Variants in ZC3HAV1 observed in about 807,000 individuals in gnomAD.
ZC3HAV1 encodes zinc finger CCCH-type antiviral protein 1.
Under a neutral mutation model 86.6 loss-of-function variants are expected in ZC3HAV1, and 41 were observed. The ratio of observed to expected loss-of-function variants is 0.47; its 90% CI spans 0.37 to 0.61. The LOEUF (loss-of-function observed/expected upper bound fraction) is 0.61. ZC3HAV1 is among the 20% of genes least tolerant of loss of function. The pLI, the probability that ZC3HAV1 is intolerant of heterozygous loss-of-function variation, is 0.00. For synonymous variants in ZC3HAV1, 421 were observed against 432.1 expected, an observed-to-expected ratio of 0.97 and a Z score of 0.32; for missense variants, 964 against 1,141.1, an observed-to-expected ratio of 0.84 and a Z score of 2.24.
chr7:139,063,027 C>CAAAAAAAAAAAAAAAAAAAAAAAAAA (rs58859916), intron 8 of ZC3HAV1, among the ~76,000 whole-genome samples: 2 of 68,098 alleles, frequency 2.9e-5, no homozygotes, highest in East Asian at 4.3e-4. Flanking sequence ...GACTCTGTCT[C>CAAAAAAAAAAAAAAAAAAAAAAAAAA]AAAAAAAAAA....
Position 139,055,252 on chromosome 7 carries a change from A to T in ZC3HAV1, c.2140T>A (p.Phe714Ile). 6.2e-7 allele frequency: 1 copy of T among 1,613,548 alleles called. No homozygotes were observed. The highest frequency in any genetic ancestry group is 8.5e-7 in the Non-Finnish European group (1 of 1,179,662). The change falls in exon 10 of 13, where the codon TTT becomes ATT. Residue 714 changes from phenylalanine to isoleucine, a missense_variant. By Grantham distance (21) the Phe-to-Ile change is conservative (BLOSUM62 0). Coordinates refer to ENST00000242351, the MANE Select transcript of ZC3HAV1 (RefSeq NM_020119.4). Reference protein sequence around the residue: ...KTSSVSLTATFRPQEDFCFLS... With the variant: ...KTSSVSLTATIRPQEDFCFLS... ...AAGCAAAAGTCCTCCTGAGGACGAA[A>T]GGTCGCAGTTAAAGACACTGACGAG...
intron 12 of ZC3HAV1, 30 bp downstream of exon 12, chr7:139,053,421 C>T (rs1410706892): frequency 5.8e-6 from 9 of 1,544,114 alleles, no homozygotes; most frequent in Non-Finnish European, 7.8e-6. Context: ...TATGACTCTA[C>T]TAGTTACGCT....
In ZC3HAV1 at chr7:139,047,328, CAA is replaced by C. The variant is rs367919128; in HGVS notation, c.*264_*265del. 0.01 allele frequency: 2,649 copies of C among 260,136 alleles called. No individual in the cohort carries two copies. The highest frequency in any genetic ancestry group is 0.014 in the South Asian group (403 of 29,384). 16.1% of individuals were successfully genotyped at this position (260,136 alleles called of 1,614,324 possible). ...TGGACGATGGAGTGAGATTCAGTCT[CAA>C]AAAAAAAAAAAAAAAAAAAAATACA... On this transcript the variant is annotated 3_prime_UTR_variant, in exon 13 of 13. Transcript: ENST00000242351.
chr7:139,089,208 A>T (rs568842926), intron 2 of ZC3HAV1, among the ~76,000 whole-genome samples: 50 of 152,088 alleles, frequency 3.3e-4, no homozygotes, highest in African/African-American at 1.1e-3. Flanking sequence ...GAGAAACAAA[A>T]TTACATTTTA....
chr7:139,093,450 A>G (rs989610326), intron 1 of ZC3HAV1, among the ~76,000 whole-genome samples: 1 of 152,188 alleles, frequency 6.6e-6, no homozygotes, highest in African/African-American at 2.4e-5. Flanking sequence ...CTAAGCCATC[A>G]TATCCCCTGT....
chr7:139,097,424 A>AT (rs1278585081), intron 1 of ZC3HAV1, among the ~76,000 whole-genome samples: 11 of 81,178 alleles, frequency 1.4e-4, no homozygotes, highest in African/African-American at 7.1e-4. Context: ...ATATATATAT[A>AT]TATATTTTTT....
At chr7:139,063,867 C>CA (rs1816521635) in intron 8 of ZC3HAV1, among the ~76,000 whole-genome samples, 1 of 151,906 alleles carries the variant, frequency 6.6e-6, no homozygotes, top group East Asian at 1.9e-4. Context: ...TTTATTTAGT[C>CA]ACCACTGCAC....
At chr7:139,054,795 CAG>C (rs1816235365) in intron 10 of ZC3HAV1, among the ~76,000 whole-genome samples, 1 of 152,102 alleles carries the variant, frequency 6.6e-6, no homozygotes, top group South Asian at 2.1e-4. Context: ...TTTTTGGAGA[CAG>C]AGTCTCACTC....
At chr7:139,090,403 A>G (rs1317148863) in intron 1 of ZC3HAV1, among the ~76,000 whole-genome samples, 1 of 152,202 alleles carries the variant, frequency 6.6e-6, no homozygotes, top group Non-Finnish European at 1.5e-5. Flanking sequence ...TATTTTCATT[A>G]TAAACATTTT....
At position 139,083,807 on chromosome 7, in the gene ZC3HAV1, T is replaced by C. The variant is rs1486073149; in HGVS notation, c.670A>G (p.Met224Val). The change falls in exon 3 of 13, where the codon ATG becomes GTG. Residue 224 changes from methionine to valine, a missense_variant. By Grantham distance (21) the Met-to-Val change is conservative (BLOSUM62 1). Coordinates refer to ENST00000242351, the MANE Select transcript of ZC3HAV1 (RefSeq NM_020119.4). ...CTGGGCCCTGGGGGATTCTTCTGCA[T>C]GTGCTTGCTGTTGCAGATGTCCTGG... ...NIQDICNSKH[M>V]QKNPPGPRAP... is the part of the protein sequence containing the mutation. The C allele has an allele frequency of 6.2e-7, 1 of 1,612,710 alleles. No individual in the cohort carries two copies.
At chr7:139,098,681 A>G (rs945180368) in intron 1 of ZC3HAV1, among the ~76,000 whole-genome samples, 4 of 152,228 alleles carry the variant, frequency 2.6e-5, no homozygotes, top group African/African-American at 9.6e-5. Context: ...TACATAAAAA[A>G]TAATAAAATA....
chr7:139,100,393 C>T (rs1817715345), intron 1 of ZC3HAV1, among the ~76,000 whole-genome samples: 1 of 151,618 alleles, frequency 6.6e-6, no homozygotes, highest in East Asian at 1.9e-4. Flanking sequence ...AAAAATTAGC[C>T]AGGGGTGGTG....
In ZC3HAV1 at chr7:139,064,755, C is replaced by T. The variant is rs770948584; in HGVS notation, c.1993+124G>A. Reference sequence around the variant, plus strand: ...TGATGGCCACTAGCTTGCACTCCACCGCCTTGCTAAATCTTGACCTTGACC... The same window carrying T: ...TGATGGCCACTAGCTTGCACTCCACTGCCTTGCTAAATCTTGACCTTGACC... On this transcript the variant is annotated intron_variant, in intron 8 of 12. Coordinates refer to ENST00000242351, the MANE Select transcript of ZC3HAV1 (RefSeq NM_020119.4). 44 of 1,497,882 alleles carry T rather than the reference C, an allele frequency of 2.9e-5. No homozygotes were observed. The Middle Eastern group carries it at 7.1e-4, about 24-fold the overall frequency. 92.8% of individuals were successfully genotyped at this position (1,497,882 alleles called of 1,614,324 possible).
intron 7 of ZC3HAV1, among the ~76,000 whole-genome samples, chr7:139,065,285 G>A (rs186117985): frequency 2.6e-4 from 39 of 152,282 alleles, no homozygotes; most frequent in African/African-American, 9.1e-4. Context: ...CATAAAATAT[G>A]AGCCAAATAT....
chr7:139,053,882 C>A, intron 11 of ZC3HAV1, 83 bp downstream of exon 11: 1 of 1,419,208 alleles, frequency 7.0e-7, no homozygotes, highest in Non-Finnish European at 9.3e-7. Flanking sequence ...TAAAATAAAT[C>A]AGTGAATATA....
At chr7:139,105,025 T>G (rs1584878126) in intron 1 of ZC3HAV1, among the ~76,000 whole-genome samples, 1 of 121,086 alleles carries the variant, frequency 8.3e-6, no homozygotes, top group Non-Finnish European at 1.7e-5. Flanking sequence ...AGAGTGAGAC[T>G]CTGTCTCAAA....
At chr7:139,077,953 C>G (rs1563132789) in intron 5 of ZC3HAV1, among the ~76,000 whole-genome samples, 1 of 152,074 alleles carries the variant, frequency 6.6e-6, no homozygotes, top group African/African-American at 2.4e-5. Context: ...CAAAGACAAA[C>G]AGTGGCTGGG....
intron 1 of ZC3HAV1, among the ~76,000 whole-genome samples, chr7:139,101,237 G>C (rs987256147): frequency 1.3e-5 from 2 of 151,756 alleles, no homozygotes; most frequent in African/African-American, 4.8e-5. Context: ...CCAAAGTGCC[G>C]AGATCGCAGC....
Position 139,056,406 on chromosome 7 carries a change from T to A in ZC3HAV1, c.2097-1111A>T, listed in dbSNP as rs889208447. On this transcript the variant is annotated intron_variant, in intron 9 of 12. Coordinates refer to ENST00000242351, the MANE Select transcript of ZC3HAV1 (RefSeq NM_020119.4). ...TTTTTTTTTTTCCTTTTTCTTTTTC[T>A]TTTCTTTTCTTTTTTTTTTTTTTTG... Among the ~76,000 whole-genome samples the A allele has an allele frequency of 1.6e-3, 124 of 77,348 alleles. 1 individual carries two copies. The highest frequency in any genetic ancestry group is 2.6e-3 in the Non-Finnish European group (101 of 39,458). 50.7% of individuals were successfully genotyped at this position (77,348 alleles called of 152,430 possible).
Sources: gnomAD v4.1 joint callset for allele counts (sites outside exome capture counted in the v4.1 genomes callset) on GRCh38, gnomAD v4.1.1 for gene constraint, MANE v1.5 for transcripts, NCBI Gene and HGNC (gene_info 2026-07-23, HGNC 2026-07-21) for gene names.